The following RAPGEF4 variants were observed in gnomAD, a reference collection of about 807,000 sequenced individuals.
The protein encoded by RAPGEF4 is Rap guanine nucleotide exchange factor 4.
Under a neutral mutation model 147.9 loss-of-function variants are expected in RAPGEF4, and 66 were observed. That is an observed-to-expected ratio of 0.45 (90% CI 0.37 to 0.55). The LOEUF (loss-of-function observed/expected upper bound fraction) is 0.55. Ranked by LOEUF, RAPGEF4 falls within the 20% of genes least tolerant of loss-of-function variation. RAPGEF4 has a pLI of 0.00. For synonymous variants in RAPGEF4, 419 were observed against 442.7 expected (o/e 0.95, Z 0.67); for missense variants, 1,071 against 1,257.3 (o/e 0.85, Z 2.24).
chr2:172,746,805 G>T, intron 1 of RAPGEF4, among the ~76,000 whole-genome samples: 1 of 151,926 alleles, frequency 6.6e-6, no homozygotes, highest in East Asian at 1.9e-4. Context: ...TAGAGACAGG[G>T]TTTCACCATG....
At chr2:173,008,912 T>A (rs1166032560) in intron 17 of RAPGEF4, among the ~76,000 whole-genome samples, 5 of 152,198 alleles carry the variant, frequency 3.3e-5, no homozygotes, top group Non-Finnish European at 5.9e-5. Context: ...AATGGAATAT[T>A]AAGCCTGATG....
intron 4 of RAPGEF4, among the ~76,000 whole-genome samples, chr2:172,853,852 G>T (rs1301952293): frequency 6.8e-6 from 1 of 147,560 alleles, no homozygotes; most frequent in African/African-American, 2.5e-5. Flanking sequence ...TATCTTGTTG[G>T]TATTGATTTT....
chr2:172,975,936 G>A (rs1691014679), intron 10 of RAPGEF4, among the ~76,000 whole-genome samples: 1 of 152,116 alleles, frequency 6.6e-6, no homozygotes, highest in South Asian at 2.1e-4. Context: ...AGAATGCTGG[G>A]CATATACAGT....
intron 25 of RAPGEF4, among the ~76,000 whole-genome samples, chr2:173,028,548 G>C (rs996991503): frequency 1.3e-5 from 2 of 152,038 alleles, no homozygotes; most frequent in Non-Finnish European, 2.9e-5. Context: ...GAACACCCAG[G>C]ACTTTTTTTT....
At chr2:172,850,669 A>G (rs1692709920) in intron 4 of RAPGEF4, among the ~76,000 whole-genome samples, 2 of 152,302 alleles carry the variant, frequency 1.3e-5, no homozygotes, top group Admixed American at 6.5e-5. Flanking sequence ...AATTTTATAT[A>G]AAGTAAAGAA....
chr2:172,793,972 C>T (rs1051763595), intron 1 of RAPGEF4, among the ~76,000 whole-genome samples: 5 of 151,902 alleles, frequency 3.3e-5, no homozygotes, highest in Non-Finnish European at 7.4e-5. Context: ...CCCGCCAGTA[C>T]AAAAAATTAG....
rs990114003 is a variant in RAPGEF4 at position 173,026,575 on chromosome 2, C to T, written c.2257C>T (p.Pro753Ser). 1.4e-5 allele frequency: 22 copies of T among 1,613,240 alleles called. No homozygotes were observed. Among genetic ancestry groups the T allele is most frequent in the Middle Eastern group, 3.3e-4 (2 of 6,082 alleles). ...GTTTTTGCATTATTATTCATAGACTCCCTTACCAGAACAGGAAGGCCCAAC... is the reference window on the plus strand; with the variant it reads ...GTTTTTGCATTATTATTCATAGACTTCCTTACCAGAACAGGAAGGCCCAAC... ...CPREQFDSLTPLPEQEGPTVG... is the reference protein window; with the variant it reads ...CPREQFDSLTSLPEQEGPTVG... Residue 753 changes from proline (P) to serine (S), a missense_variant, in exon 24 of 31, where the codon CCC becomes TCC. By Grantham distance (74) the Pro-to-Ser change is moderately conservative. Transcript: ENST00000397081.
At chr2:172,821,771 T>C in intron 4 of RAPGEF4, 1 of 1,201,126 alleles carries the variant, frequency 8.3e-7, no homozygotes, top group Non-Finnish European at 1.0e-6. Flanking sequence ...AGGAAGTGTT[T>C]TCTTATTGCC....
chr2:172,996,502 A>G lies in RAPGEF4; in HGVS notation c.1527A>G (p.Leu509=). Residue 509 remains leucine (L), a synonymous_variant, in exon 16 of 31, where the codon TTA becomes TTG. Coordinates refer to ENST00000397081, the MANE Select transcript of RAPGEF4 (RefSeq NM_007023.4). The part of the protein sequence containing the change: ...TVMSGTPEKI[L]EHFLETIRLE... ...TGTCAGGAACACCTGAAAAAATTTT[A>G]GAGCATTTTCTAGAAACAATACGCC... 6.3e-7 allele frequency: 1 copy of G among 1,583,264 alleles called. No homozygotes were observed. The highest frequency in any genetic ancestry group is 8.5e-7 in the Non-Finnish European group (1 of 1,169,826).
Position 173,020,695 on chromosome 2 carries a change from C to G in RAPGEF4, c.2233C>G (p.Arg745Gly). ...TINGRLFACP[R>G]EQFDSLTPLP... ...TAATGGACGCCTGTTTGCTTGCCCG[C>G]GAGAGCAATTCGATTCACTGGTAGG... Residue 745 changes from arginine (R) to glycine (G), a missense_variant, in exon 23 of 31, where the codon CGA becomes GGA. Physicochemically the swap from Arg to Gly is moderately radical, Grantham distance 125 (BLOSUM62 -2). Transcript: ENST00000397081. The G allele has an allele frequency of 6.2e-7, 1 of 1,613,606 alleles. No individual in the cohort carries two copies. The highest frequency in any genetic ancestry group is 8.5e-7 in the Non-Finnish European group (1 of 1,179,718).
intron 12 of RAPGEF4, 128 bp downstream of exon 12, chr2:172,985,621 C>T (rs1277237513): frequency 2.0e-6 from 3 of 1,488,110 alleles, no homozygotes; most frequent in Non-Finnish European, 1.8e-6. Context: ...GGCAGGGTGT[C>T]CTGTGGTACT....
chr2:172,763,788 A>C (rs1435818362), intron 1 of RAPGEF4, among the ~76,000 whole-genome samples: 3 of 152,230 alleles, frequency 2.0e-5, no homozygotes, highest in African/African-American at 7.2e-5. Flanking sequence ...AGTTTAATGC[A>C]ATGAAAATAT....
intron 4 of RAPGEF4, among the ~76,000 whole-genome samples, chr2:172,898,573 T>C (rs1036028114): frequency 1.3e-5 from 2 of 152,302 alleles, no homozygotes; most frequent in African/African-American, 2.4e-5. Context: ...GCAGGTTGTC[T>C]AGCTCCTTGG....
In RAPGEF4 at chr2:172,990,931, T is replaced by G; in HGVS notation, c.1490+6T>G. On this transcript the variant is annotated splice_donor_region_variant and intron_variant, in intron 15 of 30. Transcript: ENST00000397081. The stretch of plus-strand genomic sequence containing the variant: ...AACTCACAGCCTCAGCAAAAGTATG[T>G]TTGCATCCAACACTGTAATTGCCAG... 6.3e-7 allele frequency: 1 copy of G among 1,592,394 alleles called. No individual in the cohort carries two copies. Among genetic ancestry groups the G allele is most frequent in the Non-Finnish European group, 8.6e-7 (1 of 1,160,806 alleles).
chr2:172,827,025 C>A (rs554662132), intron 4 of RAPGEF4, among the ~76,000 whole-genome samples: 1 of 152,086 alleles, frequency 6.6e-6, no homozygotes, highest in South Asian at 2.1e-4. Context: ...TGTTTTAGTT[C>A]TCTTAAAACT....
At chr2:172,782,606 A>G (rs1684787730) in intron 1 of RAPGEF4, among the ~76,000 whole-genome samples, 1 of 152,226 alleles carries the variant, frequency 6.6e-6, no homozygotes, top group Admixed American at 6.5e-5. Flanking sequence ...AAGTACTACG[A>G]AATGATTTTT....
chr2:173,048,719 C>T, intron 30 of RAPGEF4, 65 bp downstream of exon 30: 1 of 1,610,702 alleles, frequency 6.2e-7, no homozygotes, highest in Non-Finnish European at 8.5e-7. Context: ...TTAATGAGGC[C>T]ATTGAGACAC....
chr2:172,963,802 G>T lies in RAPGEF4; in HGVS notation c.699-1760G>T, dbSNP rs572025748. Reference sequence around the variant, plus strand: ...CCATTATATTATTGCCACAGTATTCGGGGGCTGAAGCCTCTCCTGGTGCAG... The same window carrying T: ...CCATTATATTATTGCCACAGTATTCTGGGGCTGAAGCCTCTCCTGGTGCAG... On this transcript the variant is annotated intron_variant, in intron 8 of 30. Transcript: ENST00000397081. 6.6e-5 allele frequency among the ~76,000 whole-genome samples: 10 copies of T among 152,132 alleles called. No homozygotes were observed. The East Asian group carries it at 1.9e-3, about 29-fold the overall frequency.
chr2:173,017,233 C>G, intron 20 of RAPGEF4, 29 bp downstream of exon 20: 1 of 1,603,162 alleles, frequency 6.2e-7, no homozygotes, highest in South Asian at 1.1e-5. Flanking sequence ...CATTCTCTGT[C>G]TGTGTCCTGT....
Sources: allele counts gnomAD v4.1 joint callset (sites outside exome capture counted in the v4.1 genomes callset), GRCh38; gene constraint gnomAD v4.1.1; transcripts MANE v1.5; gene names NCBI Gene and HGNC (gene_info 2026-07-23, HGNC 2026-07-21).